The following METTL15 variants were observed in gnomAD, a reference collection of about 807,000 sequenced individuals.
The protein encoded by METTL15 is methyltransferase 15, mitochondrial 12S rRNA N4-cytidine.
METTL15 carries 34 observed loss-of-function variants against 38.3 expected under a neutral mutation model. The observed-to-expected ratio is 0.89, with a 90% confidence interval of 0.68 to 1.18. METTL15 has a LOEUF of 1.18. METTL15 is among the 50% of genes most tolerant of loss of function. The pLI is 0.00. For missense variants in METTL15, 438 were observed against 498.4 expected (o/e 0.88, Z 1.15); for synonymous variants, 162 against 170.9 (o/e 0.95, Z 0.41).
intron 6 of METTL15, among the ~76,000 whole-genome samples, chr11:28,488,860 A>T (rs955864098): frequency 1.3e-5 from 2 of 152,058 alleles, no homozygotes; most frequent in African/African-American, 4.8e-5. Context: ...TCCCAACTCT[A>T]ATCCTCTGGA....
chr11:28,429,371 C>T (rs1245000060), intron 6 of METTL15, among the ~76,000 whole-genome samples: 1 of 135,624 alleles, frequency 7.4e-6, no homozygotes, highest in African/African-American at 2.8e-5. Flanking sequence ...CTCCCTCTCC[C>T]TCTCCCTCTC....
chr11:28,470,042 GA>G (rs34358772), intron 6 of METTL15, among the ~76,000 whole-genome samples: 67,300 of 151,642 alleles, frequency 0.44, 15,742 homozygotes, highest in Admixed American at 0.54. Flanking sequence ...AGCAACAAAA[GA>G]AAAAAACCTC....
chr11:28,241,486 A>G (rs1854294085), intron 4 of METTL15, among the ~76,000 whole-genome samples: 1 of 151,236 alleles, frequency 6.6e-6, no homozygotes, highest in African/African-American at 2.4e-5. Context: ...GTGAGCAGAG[A>G]TTGTGCCACT....
At chr11:28,343,026 T>C (rs1284880540) in intron 3 of METTL15, among the ~76,000 whole-genome samples, 1 of 152,220 alleles carries the variant, frequency 6.6e-6, no homozygotes, top group Non-Finnish European at 1.5e-5. Context: ...AATTTATGTA[T>C]ATTCTTTATG....
At chr11:28,185,881 A>T (rs995655862) in intron 3 of METTL15, among the ~76,000 whole-genome samples, 1 of 149,330 alleles carries the variant, frequency 6.7e-6, no homozygotes, top group African/African-American at 2.4e-5. Context: ...GATATAATTA[A>T]TATATAAATA....
chr11:28,150,574 G>A (rs900480356), intron 3 of METTL15, among the ~76,000 whole-genome samples: 3 of 151,680 alleles, frequency 2.0e-5, no homozygotes, highest in Non-Finnish European at 2.9e-5. Flanking sequence ...CTTTAAAATG[G>A]GGGTGATTTT....
chr11:28,388,581 T>G (rs1486636454), intron 5 of METTL15, among the ~76,000 whole-genome samples: 3 of 152,170 alleles, frequency 2.0e-5, no homozygotes, highest in Admixed American at 1.3e-4. Flanking sequence ...GTAAAGACAT[T>G]CTGTGTTCAT....
At position 28,109,254 on chromosome 11, in the gene METTL15, G is replaced by T. The variant is rs549498814; in HGVS notation, c.-254+802G>T. ...TTATTGTTTCTGATCACTAGACAGA[G>T]GATCAATAAAGCTACTACTTATTTT... On this transcript the variant is annotated intron_variant, in intron 1 of 6. Transcript: ENST00000407364. Among the ~76,000 whole-genome samples, 5 of 152,286 alleles carry T rather than the reference G, an allele frequency of 3.3e-5. No individual in the cohort carries two copies. The South Asian group carries it at 1.0e-3, about 32-fold the overall frequency.
At chr11:28,136,768 C>T (rs963234328) in intron 3 of METTL15, among the ~76,000 whole-genome samples, 1 of 151,808 alleles carries the variant, frequency 6.6e-6, no homozygotes, top group African/African-American at 2.4e-5. Flanking sequence ...AGCTAGGGGT[C>T]AGGAAAGACA....
At chr11:28,457,042 G>A (rs370175157) in intron 6 of METTL15, among the ~76,000 whole-genome samples, 86 of 152,280 alleles carry the variant, frequency 5.6e-4, no homozygotes, top group African/African-American at 2.0e-3. Context: ...TTATGCCATT[G>A]AATTTGGGTT....
chr11:28,176,073 A>T (rs1029762911), intron 3 of METTL15, among the ~76,000 whole-genome samples: 2 of 152,076 alleles, frequency 1.3e-5, no homozygotes, highest in African/African-American at 4.8e-5. Flanking sequence ...ATAAAAAGTA[A>T]TGAAGGCTGG....
chr11:28,115,939 C>CAT (rs1246255090), intron 3 of METTL15, among the ~76,000 whole-genome samples: 2 of 149,324 alleles, frequency 1.3e-5, no homozygotes, highest in Non-Finnish European at 3.0e-5. Context: ...TACACATACA[C>CAT]ACACACACAC....
intron 6 of METTL15, among the ~76,000 whole-genome samples, chr11:28,462,948 A>C (rs1156284590): frequency 2.0e-5 from 3 of 152,098 alleles, no homozygotes; most frequent in African/African-American, 7.2e-5. Flanking sequence ...AATCAACAAG[A>C]CTTCATGGCC....
At chr11:28,156,093 G>C (rs1850253855) in intron 3 of METTL15, among the ~76,000 whole-genome samples, 1 of 152,114 alleles carries the variant, frequency 6.6e-6, no homozygotes. Context: ...ATGTTCCCAT[G>C]TGTGTCTAAT....
intron 3 of METTL15, among the ~76,000 whole-genome samples, chr11:28,161,107 C>CTTTTTTTTT (rs10660185): frequency 0.037 from 4,904 of 131,140 alleles, 4 homozygotes; most frequent in Non-Finnish European, 0.057. Flanking sequence ...TTGCACCTTC[C>CTTTTTTTTT]TTTTTTTTTT....
chr11:28,355,952 C>T (rs575372974), intron 4 of METTL15, among the ~76,000 whole-genome samples: 1 of 152,298 alleles, frequency 6.6e-6, no homozygotes, highest in Admixed American at 6.5e-5. Context: ...GGAACTTTAG[C>T]TGTCTTGCTC....
chr11:28,391,847 G>C (rs912246479), intron 5 of METTL15, among the ~76,000 whole-genome samples: 1 of 151,930 alleles, frequency 6.6e-6, no homozygotes. Context: ...TGTTAGACCT[G>C]AAACCATAAA....
intron 3 of METTL15, among the ~76,000 whole-genome samples, chr11:28,160,913 A>T (rs1850433263): frequency 6.6e-6 from 1 of 152,044 alleles, no homozygotes; most frequent in Non-Finnish European, 1.5e-5. Context: ...TAGACCCAAC[A>T]TCCTTTTTTT....
chr11:28,368,290 T>G (rs1850208628), intron 5 of METTL15, among the ~76,000 whole-genome samples: 1 of 151,320 alleles, frequency 6.6e-6, no homozygotes, highest in African/African-American at 2.4e-5. Context: ...ACAAAGAACT[T>G]AAACAAATTT....
Sources: gnomAD v4.1 joint callset for allele counts (sites outside exome capture counted in the v4.1 genomes callset) on GRCh38, gnomAD v4.1.1 for gene constraint, MANE v1.5 for transcripts, NCBI Gene and HGNC (gene_info 2026-07-23, HGNC 2026-07-21) for gene names.